ZNF655: variants seen among roughly 807,000 people sequenced by gnomAD.
ZNF655 encodes the protein Vav-interacting Kruppel-like protein 1.
Under a neutral mutation model 6.6 loss-of-function variants are expected in ZNF655, and 3 were observed. The ratio of observed to expected loss-of-function variants is 0.46; its 90% CI spans 0.21 to 1.18. The LOEUF (loss-of-function observed/expected upper bound fraction) is 1.18. Ranked by LOEUF, ZNF655 falls within the 50% of genes most tolerant of loss-of-function variation. ZNF655 has a pLI of 0.24. For missense variants in ZNF655, 526 were observed against 572.3 expected (o/e 0.92, Z 0.83); for synonymous variants, 178 against 195.0 (o/e 0.91, Z 0.73).
In ZNF655 at chr7:99,576,100, T is replaced by C. The variant is rs930122350; in HGVS notation, c.*2516T>C. ...GACCCTCAACAAATATATAAAAATATGTTGCTCACTCTATAATCCTCCTAT... is the reference window on the plus strand; with the variant it reads ...GACCCTCAACAAATATATAAAAATACGTTGCTCACTCTATAATCCTCCTAT... On this transcript the variant is annotated 3_prime_UTR_variant, in exon 3 of 3. Coordinates refer to ENST00000252713, the MANE Select transcript of ZNF655 (RefSeq NM_138494.3). 2 of 152,248 alleles carry C rather than the reference T, an allele frequency of 1.3e-5. No individual in the cohort carries two copies. Among genetic ancestry groups the C allele is most frequent in the Non-Finnish European group, 2.9e-5 (2 of 68,038 alleles). 9.4% of individuals were successfully genotyped at this position (152,248 alleles called of 1,614,324 possible).
At chr7:99,559,005 C>G (rs1452546413) in intron 1 of ZNF655, 1 of 152,414 alleles carries the variant, frequency 6.6e-6, no homozygotes, top group Non-Finnish European at 1.5e-5. Flanking sequence ...CGACCGTGCC[C>G]TGGTGCGAGC....
chr7:99,570,087 C>T (rs1584261198), intron 2 of ZNF655: 2 of 152,232 alleles, frequency 1.3e-5, no homozygotes, highest in African/African-American at 4.8e-5. Context: ...AAATCAAACC[C>T]CTCATCCCAC....
At chr7:99,567,217 T>C (rs1803697057) in intron 2 of ZNF655, among the ~76,000 whole-genome samples, 1 of 152,068 alleles carries the variant, frequency 6.6e-6, no homozygotes, top group Non-Finnish European at 1.5e-5. Context: ...ACGGAAAAAA[T>C]GTAAAGCAAG....
intron 1 of ZNF655, among the ~76,000 whole-genome samples, chr7:99,559,281 A>AG (rs1297113975): frequency 6.6e-6 from 1 of 152,232 alleles, no homozygotes; most frequent in Non-Finnish European, 1.5e-5. Context: ...GAGTTAGCGA[A>AG]GGGCCTGACC....
chr7:99,559,439 C>T (rs957371262), intron 1 of ZNF655, among the ~76,000 whole-genome samples: 2 of 151,356 alleles, frequency 1.3e-5, no homozygotes, highest in East Asian at 3.9e-4. Context: ...TGGTTCACGC[C>T]GTAATCCCCG....
intron 2 of ZNF655, among the ~76,000 whole-genome samples, chr7:99,568,754 G>A (rs1803821528): frequency 6.6e-6 from 1 of 150,954 alleles, no homozygotes; most frequent in South Asian, 2.1e-4. Flanking sequence ...CACCATGCCT[G>A]GTCCATAGAT....
At chr7:99,566,023 G>A (rs890645894) in intron 2 of ZNF655, among the ~76,000 whole-genome samples, 1 of 147,886 alleles carries the variant, frequency 6.8e-6, no homozygotes, top group Non-Finnish European at 1.5e-5. Context: ...ACATTTATAT[G>A]TGTGTGTGTG....
At chr7:99,565,193 G>A (rs1418604058) in intron 2 of ZNF655, among the ~76,000 whole-genome samples, 1 of 151,070 alleles carries the variant, frequency 6.6e-6, no homozygotes, top group Non-Finnish European at 1.5e-5. Context: ...TTTTGAGACG[G>A]AGTCTTGCTC....
At chr7:99,560,233 C>T (rs2151142630) in intron 1 of ZNF655, among the ~76,000 whole-genome samples, 1 of 151,784 alleles carries the variant, frequency 6.6e-6, no homozygotes. Context: ...TACAGACCCG[C>T]ACCACCACGC....
chr7:99,567,198 T>A (rs1803695688), intron 2 of ZNF655, among the ~76,000 whole-genome samples: 1 of 152,204 alleles, frequency 6.6e-6, no homozygotes, highest in African/African-American at 2.4e-5. Flanking sequence ...TTTAATAACT[T>A]AATTTTAAAC....
chr7:99,565,987 T>C (rs1244851073), intron 2 of ZNF655, among the ~76,000 whole-genome samples: 1 of 151,682 alleles, frequency 6.6e-6, no homozygotes, highest in African/African-American at 2.4e-5. Context: ...CACACACATA[T>C]GTATATACAC....
intron 2 of ZNF655, chr7:99,561,919 C>G: frequency 6.3e-7 from 1 of 1,595,328 alleles, no homozygotes; most frequent in Non-Finnish European, 8.5e-7. Flanking sequence ...CTGCTCTTCC[C>G]CGTGAGGGAA....
chr7:99,562,607 C>A, intron 2 of ZNF655: 1 of 1,029,474 alleles, frequency 9.7e-7, no homozygotes, highest in Non-Finnish European at 1.4e-6. Flanking sequence ...GATTCCAGGA[C>A]TTAGAACCTC....
chr7:99,561,114 C>T (rs1803110767), intron 2 of ZNF655, among the ~76,000 whole-genome samples: 1 of 152,222 alleles, frequency 6.6e-6, no homozygotes, highest in African/African-American at 2.4e-5. Context: ...GCCATCCATT[C>T]TGTTGTAACT....
rs1001742771 is a variant in ZNF655 at position 99,573,335 on chromosome 7, A to T, written c.1227A>T (p.Glu409Asp). Residue 409 changes from glutamate (E) to aspartate (D), a missense_variant, in exon 3 of 3, where the codon GAA (glutamate) becomes GAT (aspartate). By Grantham distance (45) the Glu-to-Asp change is conservative. Transcript: ENST00000252713. ...QRIHTGEKAH[E>D]CNECGKAFSQ... is the part of the protein sequence containing the mutation. ...TTCACACAGGAGAGAAAGCACATGA[A>T]TGTAATGAATGTGGAAAAGCTTTCA... 6 of 1,614,222 alleles carry T rather than the reference A, an allele frequency of 3.7e-6. No homozygotes were observed. Among genetic ancestry groups the T allele is most frequent in the Non-Finnish European group, 5.1e-6 (6 of 1,180,024 alleles).
intron 2 of ZNF655, among the ~76,000 whole-genome samples, chr7:99,568,242 C>T (rs536702464): frequency 6.7e-6 from 1 of 149,622 alleles, no homozygotes; most frequent in East Asian, 2.0e-4. Context: ...ATTGTTTGGA[C>T]TATTGTCTAG....
At chr7:99,571,927 C>T (rs1804103780) in intron 2 of ZNF655, 2 of 619,466 alleles carry the variant, frequency 3.2e-6, no homozygotes, top group Admixed American at 3.0e-5. Context: ...CTTTTCCCTT[C>T]AGTTAGGTTG....
chr7:99,560,741 G>A (rs750148547), intron 2 of ZNF655, 46 bp downstream of exon 2: 1 of 1,600,504 alleles, frequency 6.2e-7, no homozygotes, highest in Non-Finnish European at 8.5e-7. Flanking sequence ...GGAGTGCGGA[G>A]GGGCTCCCGA....
At chr7:99,562,587 G>A (rs1803282875) in intron 2 of ZNF655, 15 of 1,311,162 alleles carry the variant, frequency 1.1e-5, no homozygotes, top group African/African-American at 1.5e-5. Flanking sequence ...GGTCTGTAGA[G>A]TGTGGCTTAG....
Sources: allele counts gnomAD v4.1 joint callset (sites outside exome capture counted in the v4.1 genomes callset), GRCh38; gene constraint gnomAD v4.1.1; transcripts MANE v1.5; gene names NCBI Gene and HGNC (gene_info 2026-07-23, HGNC 2026-07-21).